The following PGCKA1 variants were observed in gnomAD, a reference collection of about 807,000 sequenced individuals.
PGCKA1 encodes PDCD10 and GCKIII kinases associated 1.
the PGCKA1 span, among the ~76,000 whole-genome samples, chr4:37,536,012 G>T: frequency 6.6e-6 from 1 of 152,224 alleles, no homozygotes; most frequent in Non-Finnish European, 1.5e-5. Context: ...CACATAAAGT[G>T]CTTGGCACAT....
At chr4:37,523,506 A>T in the PGCKA1 span, among the ~76,000 whole-genome samples, 1 of 151,836 alleles carries the variant, frequency 6.6e-6, no homozygotes, top group East Asian at 1.9e-4. Flanking sequence ...ATAGTTGTTA[A>T]ATTGGTGTCC....
chr4:37,514,796 C>T, the PGCKA1 span, among the ~76,000 whole-genome samples: 3 of 152,190 alleles, frequency 2.0e-5, no homozygotes, highest in African/African-American at 4.8e-5. Flanking sequence ...TGAGGCAGCT[C>T]AGCAGGGACT....
At chr4:37,553,282 CT>C in the PGCKA1 span, among the ~76,000 whole-genome samples, 1 of 150,594 alleles carries the variant, frequency 6.6e-6, no homozygotes, top group African/African-American at 2.5e-5. Context: ...AAAAGTCATT[CT>C]GGGAAAAATT....
At chr4:37,543,402 G>T in the PGCKA1 span, among the ~76,000 whole-genome samples, 1 of 152,082 alleles carries the variant, frequency 6.6e-6, no homozygotes, top group African/African-American at 2.4e-5. Context: ...TCTGTACAGT[G>T]TTTTTCTGCA....
At chr4:37,471,483 C>T in the PGCKA1 span, among the ~76,000 whole-genome samples, 1 of 152,114 alleles carries the variant, frequency 6.6e-6, no homozygotes, top group Non-Finnish European at 1.5e-5. Context: ...AATATAATTT[C>T]ATATATAAAC....
chr4:37,533,010 AG>A, the PGCKA1 span, among the ~76,000 whole-genome samples: 1 of 152,214 alleles, frequency 6.6e-6, no homozygotes, highest in East Asian at 1.9e-4. Flanking sequence ...AATGTGGTGC[AG>A]TGTGTACTGC....
the PGCKA1 span, among the ~76,000 whole-genome samples, chr4:37,466,014 TA>T: frequency 1.7e-5 from 2 of 119,270 alleles, no homozygotes; most frequent in Non-Finnish European, 3.5e-5. Flanking sequence ...TTGGGAAGGG[TA>T]AAAGATACTG....
chr4:37,544,851 GT>G, the PGCKA1 span, among the ~76,000 whole-genome samples: 1 of 149,680 alleles, frequency 6.7e-6, no homozygotes. Flanking sequence ...TTTTTTTTCT[GT>G]TTTTTGTTTT....
At chr4:37,499,337 G>T in the PGCKA1 span, among the ~76,000 whole-genome samples, 2 of 152,128 alleles carry the variant, frequency 1.3e-5, no homozygotes, top group Non-Finnish European at 2.9e-5. Flanking sequence ...TGGCCTCATA[G>T]AATGAATTAG....
At chr4:37,572,157 G>A in the PGCKA1 span, among the ~76,000 whole-genome samples, 1 of 145,170 alleles carries the variant, frequency 6.9e-6, no homozygotes, top group South Asian at 2.3e-4. Flanking sequence ...CCGCCTCCCG[G>A]GTTCACGCCA....
At chr4:37,531,809 G>T in the PGCKA1 span, among the ~76,000 whole-genome samples, 1 of 148,934 alleles carries the variant, frequency 6.7e-6, no homozygotes, top group Admixed American at 6.7e-5. Context: ...GGAGAATGAC[G>T]TGAACCCGGG....
the PGCKA1 span, among the ~76,000 whole-genome samples, chr4:37,571,355 C>CATTTTTTTT: frequency 3.8e-5 from 3 of 78,036 alleles, 1 homozygote; most frequent in Non-Finnish European, 2.2e-5. Context: ...GACTATTATC[C>CATTTTTTTT]TTTTTTTTTT....
chr4:37,550,346 G>GA, the PGCKA1 span, among the ~76,000 whole-genome samples: 2 of 148,788 alleles, frequency 1.3e-5, no homozygotes, highest in Admixed American at 6.7e-5. Context: ...CTCTAGACTG[G>GA]AAAAAAAAGT....
At chr4:37,574,187 C>CAA in the PGCKA1 span, among the ~76,000 whole-genome samples, 1 of 136,292 alleles carries the variant, frequency 7.3e-6, no homozygotes, top group Non-Finnish European at 1.6e-5. Flanking sequence ...GACTCCATCT[C>CAA]AAAAAAAAAA....
At chr4:37,522,495 C>T in the PGCKA1 span, among the ~76,000 whole-genome samples, 2 of 152,154 alleles carry the variant, frequency 1.3e-5, no homozygotes, top group East Asian at 1.9e-4. Context: ...GGTATGGCCC[C>T]GCACAGGATC....
At chr4:37,509,740 C>T in the PGCKA1 span, among the ~76,000 whole-genome samples, 1 of 151,528 alleles carries the variant, frequency 6.6e-6, no homozygotes, top group Non-Finnish European at 1.5e-5. Context: ...GCTGGCAGAT[C>T]ACTCGTGGTT....
the PGCKA1 span, among the ~76,000 whole-genome samples, chr4:37,565,489 C>G: frequency 2.6e-5 from 4 of 152,100 alleles, no homozygotes; most frequent in African/African-American, 9.7e-5. Flanking sequence ...GAACAGGACC[C>G]CCTTGACTCC....
At chr4:37,457,787 G>T in the PGCKA1 span, among the ~76,000 whole-genome samples, 1 of 152,172 alleles carries the variant, frequency 6.6e-6, no homozygotes, top group Non-Finnish European at 1.5e-5. Context: ...ACATACTTAA[G>T]ATTCCCACTA....
the PGCKA1 span, among the ~76,000 whole-genome samples, chr4:37,490,356 C>T: frequency 2.0e-5 from 3 of 152,220 alleles, no homozygotes; most frequent in East Asian, 1.9e-4. Context: ...AGACCCCTTC[C>T]CCTACTTTCA....
Sources: allele counts gnomAD v4.1 joint callset (sites outside exome capture counted in the v4.1 genomes callset), GRCh38; gene constraint gnomAD v4.1.1; transcripts MANE v1.5; gene names NCBI Gene and HGNC (gene_info 2026-07-23, HGNC 2026-07-21).